SESTD1: variants seen among roughly 807,000 people sequenced by gnomAD.
The protein encoded by SESTD1 is SEC14 and spectrin domain containing 1.
A neutral mutation model predicts 101.7 loss-of-function variants in SESTD1; 43 were observed. The ratio of observed to expected loss-of-function variants is 0.42; its 90% CI spans 0.33 to 0.55. The LOEUF (loss-of-function observed/expected upper bound fraction) is 0.55. SESTD1 is among the 20% of genes least tolerant of loss of function. SESTD1 has a pLI of 0.07. For synonymous variants in SESTD1, 283 were observed against 286.8 expected (o/e 0.99, Z 0.13); for missense variants, 647 against 815.1 (o/e 0.79, Z 2.51).
At chr2:179,143,371 T>G (rs1473915788) in intron 9 of SESTD1, among the ~76,000 whole-genome samples, 1 of 152,200 alleles carries the variant, frequency 6.6e-6, no homozygotes, top group Non-Finnish European at 1.5e-5. Flanking sequence ...TTGAAGTTCA[T>G]TGTTACACTA....
At chr2:179,191,725 A>G (rs879942822) in intron 2 of SESTD1, 62 bp downstream of exon 2, 58 of 1,373,478 alleles carry the variant, frequency 4.2e-5, no homozygotes, top group Middle Eastern at 4.2e-4. Context: ...CATACTTAAC[A>G]AAGAAGAAAC....
rs570539581 is a variant in SESTD1, at chr2:179,232,692, TAA to T, written c.-26+31805_-26+31806del. On this transcript the variant is annotated intron_variant, in intron 1 of 17. Coordinates refer to ENST00000428443, the MANE Select transcript of SESTD1 (RefSeq NM_178123.5). ...AGTACTATGCAGCTCTAAAAATTAA[TAA>T]AGAGATCTCTATATCATTATAAAAT... 1.3e-3 allele frequency among the ~76,000 whole-genome samples: 192 copies of T among 152,264 alleles called. 2 individuals carry two copies. Among genetic ancestry groups the T allele is most frequent in the African/African-American group, 4.5e-3 (188 of 41,560 alleles).
intron 16 of SESTD1, 120 bp downstream of exon 16, chr2:179,114,945 C>CG: frequency 1.2e-6 from 1 of 842,666 alleles, no homozygotes; most frequent in East Asian, 2.8e-5. Context: ...ACCGTAACAA[C>CG]GGAACTAATA....
At chr2:179,193,330 A>C (rs1231827750) in intron 1 of SESTD1, among the ~76,000 whole-genome samples, 1 of 152,220 alleles carries the variant, frequency 6.6e-6, no homozygotes, top group Non-Finnish European at 1.5e-5. Flanking sequence ...GTTCCCTTGA[A>C]TATTTGCGAT....
At position 179,262,176 on chromosome 2, in the gene SESTD1, A is replaced by G. The variant is rs62177339; in HGVS notation, c.-26+2323T>C. On this transcript the variant is annotated intron_variant, in intron 1 of 17. Coordinates refer to ENST00000428443, the MANE Select transcript of SESTD1 (RefSeq NM_178123.5). ...AAAATAGGCAAATCCATAGAGACAT[A>G]AAGTAAATTAGTGGTTGTCAAATAT... is the stretch of plus-strand genomic sequence containing the variant. Among the ~76,000 whole-genome samples, 4 of 152,312 alleles carry G rather than the reference A, an allele frequency of 2.6e-5. No homozygotes were observed. In the Middle Eastern group the frequency reaches 0.01, roughly 389 times the overall value.
rs942955995 is a variant in SESTD1, at chr2:179,150,559, C to T, written c.483+719G>A. ...ACTGTTGGCTGGGAGCAGTGGCTCA[C>T]GCCTGTAATCCCAGCACTTTGGAAG... is the stretch of plus-strand genomic sequence containing the variant. On this transcript the variant is annotated intron_variant, in intron 6 of 17. Coordinates refer to ENST00000428443, the MANE Select transcript of SESTD1 (RefSeq NM_178123.5). Among the ~76,000 whole-genome samples the T allele has an allele frequency of 3.3e-5, 5 of 151,724 alleles. No homozygotes were observed. In the South Asian group the frequency reaches 6.2e-4, roughly 19 times the overall value.
At chr2:179,167,832 G>A (rs142542438) in intron 5 of SESTD1, among the ~76,000 whole-genome samples, 4,012 of 151,934 alleles carry the variant, frequency 0.026, 83 homozygotes, top group Non-Finnish European at 0.035. Context: ...GCATGATCTC[G>A]GCTCACTGCA....
intron 5 of SESTD1, among the ~76,000 whole-genome samples, chr2:179,170,258 T>A (rs2045907915): frequency 6.7e-6 from 1 of 148,664 alleles, no homozygotes; most frequent in Non-Finnish European, 1.5e-5. Flanking sequence ...GTTAAAAAAA[T>A]TTCTTGAAAA....
intron 5 of SESTD1, among the ~76,000 whole-genome samples, chr2:179,163,024 G>C (rs1174409082): frequency 6.6e-6 from 1 of 151,056 alleles, no homozygotes; most frequent in Non-Finnish European, 1.5e-5. Flanking sequence ...GCAAATAATT[G>C]TTGTCTAACG....
chr2:179,139,582 T>C (rs1405007861), intron 9 of SESTD1, among the ~76,000 whole-genome samples: 1 of 152,198 alleles, frequency 6.6e-6, no homozygotes, highest in Non-Finnish European at 1.5e-5. Flanking sequence ...GTTCTATAGA[T>C]AACAACCTAA....
chr2:179,126,984 C>A (rs2044888709), intron 10 of SESTD1, among the ~76,000 whole-genome samples: 1 of 152,198 alleles, frequency 6.6e-6, no homozygotes, highest in South Asian at 2.1e-4. Flanking sequence ...CTATTTTCCA[C>A]ACAATAGCCG....
chr2:179,210,877 A>G (rs1306586642), intron 1 of SESTD1, among the ~76,000 whole-genome samples: 1 of 134,648 alleles, frequency 7.4e-6, no homozygotes, highest in Non-Finnish European at 1.6e-5. Flanking sequence ...CTAAATCGGT[A>G]AAGAAGACAA....
At chr2:179,263,429 A>C (rs1024670726) in intron 1 of SESTD1, among the ~76,000 whole-genome samples, 6 of 152,188 alleles carry the variant, frequency 3.9e-5, no homozygotes. Context: ...AAACAGAAAA[A>C]GTATATAGAT....
chr2:179,234,653 A>G (rs914694695), intron 1 of SESTD1, among the ~76,000 whole-genome samples: 6 of 152,092 alleles, frequency 3.9e-5, no homozygotes, highest in Admixed American at 6.5e-5. Context: ...TAAAGGAACA[A>G]AACAATAGTA....
intron 1 of SESTD1, among the ~76,000 whole-genome samples, chr2:179,200,337 C>G (rs982447530): frequency 2.6e-5 from 4 of 151,980 alleles, no homozygotes; most frequent in African/African-American, 9.7e-5. Flanking sequence ...GTGAAAATGG[C>G]CATACTGCCC....
intron 1 of SESTD1, among the ~76,000 whole-genome samples, chr2:179,222,979 T>C (rs1050862747): frequency 3.9e-5 from 6 of 152,148 alleles, no homozygotes; most frequent in African/African-American, 1.4e-4. Flanking sequence ...ACCCAAAGAC[T>C]TGTACACGAA....
intron 1 of SESTD1, among the ~76,000 whole-genome samples, chr2:179,207,217 C>T (rs2046601911): frequency 7.4e-6 from 1 of 134,900 alleles, no homozygotes. Context: ...AGATTATATC[C>T]ACCTCCTACC....
chr2:179,187,788 T>A (rs1174447362), intron 2 of SESTD1, among the ~76,000 whole-genome samples: 1 of 152,072 alleles, frequency 6.6e-6, no homozygotes, highest in Non-Finnish European at 1.5e-5. Flanking sequence ...TATTCTCATA[T>A]CAGAAAAAAC....
At chr2:179,253,995 G>A (rs1161358338) in intron 1 of SESTD1, among the ~76,000 whole-genome samples, 1 of 152,006 alleles carries the variant, frequency 6.6e-6, no homozygotes, top group Non-Finnish European at 1.5e-5. Flanking sequence ...AGCTACTCAG[G>A]AGGCTGAGGC....
Sources: allele counts gnomAD v4.1 joint callset (sites outside exome capture counted in the v4.1 genomes callset), GRCh38; gene constraint gnomAD v4.1.1; transcripts MANE v1.5; gene names NCBI Gene and HGNC (gene_info 2026-07-23, HGNC 2026-07-21).